Variants in TMEM131 observed in about 807,000 individuals in gnomAD.
The protein encoded by TMEM131 is transmembrane protein 131.
In TMEM131, 66 loss-of-function variants were observed where a neutral mutation model predicts 211.6. The observed-to-expected ratio is 0.31, with a 90% CI of 0.26 to 0.38. The LOEUF is 0.38. Among genes scored for constraint, TMEM131 ranks in the 10% least tolerant of loss-of-function variants. The probability of loss-of-function intolerance (pLI) is 1.00; values close to 1 mark genes in which losing one functional copy is unlikely to be tolerated. For synonymous variants in TMEM131, 844 were observed against 841.3 expected (o/e 1.00, Z -0.06); for missense variants, 2,036 against 2,299.3 (o/e 0.89, Z 2.34).
At chr2:97,797,975 C>T (rs1680845442) in intron 25 of TMEM131, among the ~76,000 whole-genome samples, 1 of 152,240 alleles carries the variant, frequency 6.6e-6, no homozygotes, top group Non-Finnish European at 1.5e-5. Flanking sequence ...GGGCCAACAC[C>T]TCAGGCCTCC....
intron 2 of TMEM131, among the ~76,000 whole-genome samples, chr2:97,925,394 T>C (rs1676940376): frequency 6.6e-6 from 1 of 152,208 alleles, no homozygotes. Flanking sequence ...TTTCTTCTGT[T>C]GAGATGCAGA....
rs1680564381 is a variant in TMEM131, at chr2:97,792,756, G to C, written c.3774C>G (p.Asn1258Lys). 1 of 1,614,042 alleles carries C rather than the reference G, an allele frequency of 6.2e-7. No homozygotes were observed. Among genetic ancestry groups the C allele is most frequent in the Non-Finnish European group, 8.5e-7 (1 of 1,179,890 alleles). Residue 1258 changes from asparagine to lysine, a missense_variant, in exon 31 of 41, where the codon AAC becomes AAG. By Grantham distance (94) the Asn-to-Lys change is moderately conservative. This residue lies in a region of TMEM131 where 1,623 missense variants were observed against 1,805.9 expected (regional missense o/e 0.90). Coordinates refer to ENST00000186436, the MANE Select transcript of TMEM131 (RefSeq NM_015348.2). ...AATCTAAGACAAGGGGGCTTGTTTT[G>C]TTAGCAGACTGTGAAGAAGCTGCTT... ...SAQAASSQSA[N>K]KTSPLVLDSN...
intron 33 of TMEM131, among the ~76,000 whole-genome samples, chr2:97,771,879 G>A (rs1351422756): frequency 6.6e-6 from 1 of 152,194 alleles, no homozygotes; most frequent in Non-Finnish European, 1.5e-5. Flanking sequence ...CAAGTTTTAT[G>A]GCATGGAACT....
At chr2:97,849,570 C>G (rs1303477420) in intron 5 of TMEM131, among the ~76,000 whole-genome samples, 1 of 151,886 alleles carries the variant, frequency 6.6e-6, no homozygotes, top group African/African-American at 2.4e-5. Flanking sequence ...ATGGGTTTGT[C>G]AAAACTCAGA....
chr2:97,989,267 A>T (rs1339707565), intron 1 of TMEM131, among the ~76,000 whole-genome samples: 1 of 150,030 alleles, frequency 6.7e-6, no homozygotes, highest in Admixed American at 6.6e-5. Flanking sequence ...CATCATTTCA[A>T]AAAACAAAAC....
At chr2:97,842,038 G>T in intron 6 of TMEM131, 101 bp from the exon 7 acceptor site, 2 of 1,130,924 alleles carry the variant, frequency 1.8e-6, no homozygotes, top group African/African-American at 1.6e-5. Flanking sequence ...TCTAATTTAT[G>T]TATAAAAAAT....
chr2:97,762,407 G>A (rs956066189), intron 35 of TMEM131: 1 of 508,044 alleles, frequency 2.0e-6, no homozygotes, highest in Non-Finnish European at 3.5e-6. Flanking sequence ...GGGAGCAAGA[G>A]CGTGCCCGGT....
At chr2:97,854,926 C>T (rs565219792) in intron 5 of TMEM131, among the ~76,000 whole-genome samples, 39 of 152,298 alleles carry the variant, frequency 2.6e-4, no homozygotes, top group Non-Finnish European at 4.0e-4. Flanking sequence ...ACCGCCTTCC[C>T]TGTGCACACC....
At position 97,760,801 on chromosome 2, in the gene TMEM131, T is replaced by C; in HGVS notation, c.5003A>G (p.Lys1668Arg). 1 of 1,614,036 alleles carries C rather than the reference T, an allele frequency of 6.2e-7. No homozygotes were observed. Among genetic ancestry groups the C allele is most frequent in the Non-Finnish European group, 8.5e-7 (1 of 1,179,888 alleles). ...GAAGCAAAGGCACTGACCTGGGCTC[T>C]TGTCGTAGCCAGCCGTGACTGCAGC... ...TFAAVTAGYD[K>R]SPGGNGFAKV... Residue 1668 changes from lysine (K) to arginine (R), a missense_variant, in exon 37 of 41, where the codon AAG becomes AGG. By Grantham distance (26) the Lys-to-Arg change is conservative. Around this residue, in one of 3 missense-constraint regions of TMEM131, gnomAD observed 1,623 missense variants for 1,805.9 expected, o/e 0.90. Transcript: ENST00000186436.
At chr2:97,779,260 A>C (rs1030744159) in intron 31 of TMEM131, among the ~76,000 whole-genome samples, 3 of 152,198 alleles carry the variant, frequency 2.0e-5, no homozygotes, top group African/African-American at 7.2e-5. Context: ...CCAAAAGTTC[A>C]AATGTTAGTG....
chr2:97,972,072 G>C (rs1161556798), intron 1 of TMEM131, among the ~76,000 whole-genome samples: 5 of 151,980 alleles, frequency 3.3e-5, no homozygotes, highest in Non-Finnish European at 7.4e-5. Context: ...GCCGGGAGTG[G>C]TGCCACATGC....
At position 97,793,525 on chromosome 2, in the gene TMEM131, C is replaced by G. The variant is rs779811562; in HGVS notation, c.3415G>C (p.Ala1139Pro). ...CATATTCCTTGAGCTTCCAAATAGGCTGTTCCAATGACCAAAAGAAACAGT... is the reference window on the plus strand; with the variant it reads ...CATATTCCTTGAGCTTCCAAATAGGGTGTTCCAATGACCAAAAGAAACAGT... ...SALFLLVIGT[A>P]YLEAQGIWEP... is the part of the protein sequence containing the mutation. The change falls in exon 30 of 41, where the codon GCC (alanine) becomes CCC (proline). Residue 1139 changes from alanine (A) to proline (P), a missense_variant. Around this residue, in one of 3 missense-constraint regions of TMEM131, gnomAD observed 1,623 missense variants for 1,805.9 expected, o/e 0.90. Coordinates refer to ENST00000186436, the MANE Select transcript of TMEM131 (RefSeq NM_015348.2). 6.2e-7 allele frequency: 1 copy of G among 1,613,452 alleles called. No homozygotes were observed. The highest frequency in any genetic ancestry group is 8.5e-7 in the Non-Finnish European group (1 of 1,179,688).
chr2:97,858,173 T>C (rs1286952276), intron 5 of TMEM131, among the ~76,000 whole-genome samples: 1 of 152,188 alleles, frequency 6.6e-6, no homozygotes, highest in Non-Finnish European at 1.5e-5. Context: ...ACCAATATCT[T>C]ACATGGCTAA....
In TMEM131 at chr2:97,821,674, C is replaced by T. The variant is rs548379754; in HGVS notation, c.1075-2953G>A. ...TTGGTGACCAGGAAGGGACTATCGC[C>T]AAGCAGTGAGCACCACTGGACCCCT... On this transcript the variant is annotated intron_variant, in intron 11 of 40. Transcript: ENST00000186436. 2.6e-5 allele frequency among the ~76,000 whole-genome samples: 4 copies of T among 152,336 alleles called. No individual in the cohort carries two copies. In the South Asian group the frequency reaches 8.3e-4, roughly 32 times the overall value.
chr2:97,959,870 A>G (rs1678740748), intron 1 of TMEM131, among the ~76,000 whole-genome samples: 1 of 152,158 alleles, frequency 6.6e-6, no homozygotes, highest in African/African-American at 2.4e-5. Context: ...TTAAATTACA[A>G]CAGTCCCCCT....
intron 38 of TMEM131, 162 bp from the exon 39 acceptor site, chr2:97,759,911 A>C (rs1678728915): frequency 1.6e-6 from 1 of 620,180 alleles, no homozygotes; most frequent in East Asian, 2.8e-5. Flanking sequence ...GCTGCTTACC[A>C]CAAGGGTTGA....
At chr2:97,856,612 C>T (rs901884071) in intron 5 of TMEM131, among the ~76,000 whole-genome samples, 4 of 152,106 alleles carry the variant, frequency 2.6e-5, no homozygotes, top group African/African-American at 4.8e-5. Context: ...CCAGGAATTC[C>T]GAGCATGACA....
intron 3 of TMEM131, among the ~76,000 whole-genome samples, chr2:97,899,128 TC>T (rs1317399005): frequency 6.6e-6 from 1 of 152,122 alleles, no homozygotes; most frequent in African/African-American, 2.4e-5. Flanking sequence ...TGGGGAACTG[TC>T]TCCTTCATAA....
At chr2:97,757,533 G>T in intron 40 of TMEM131, 150 bp from the exon 41 acceptor site, 2 of 933,500 alleles carry the variant, frequency 2.1e-6, no homozygotes, top group African/African-American at 1.7e-5. Context: ...ATGTATTTGA[G>T]CAGATGTTTC....
Sources: allele counts gnomAD v4.1 joint callset (sites outside exome capture counted in the v4.1 genomes callset), GRCh38; gene constraint gnomAD v4.1.1; regional missense constraint gnomAD v4.1.1; transcripts MANE v1.5; gene names NCBI Gene and HGNC (gene_info 2026-07-23, HGNC 2026-07-21).